The following NT5DC4 variants were observed in gnomAD, a reference collection of about 807,000 sequenced individuals.
NT5DC4 encodes the protein 5'-nucleotidase domain containing 4, also known as 5'-nucleotidase domain-containing protein 4.
A neutral mutation model predicts 26.6 loss-of-function variants in NT5DC4; 44 were observed. The observed-to-expected ratio is 1.65, with a 90% confidence interval of 1.30 to 2.13. The LOEUF (loss-of-function observed/expected upper bound fraction) is 2.13. Ranked by LOEUF, NT5DC4 falls within the 30% of genes most tolerant of loss-of-function variation. NT5DC4 has a pLI of 0.00. For missense variants in NT5DC4, 399 were observed against 228.1 expected (o/e 1.75, Z -4.83); for synonymous variants, 157 against 86.7 (o/e 1.81, Z -4.51).
intron 15 of NT5DC4, among the ~76,000 whole-genome samples, chr2:112,728,101 G>C (rs1399204418): frequency 6.6e-6 from 1 of 152,208 alleles, no homozygotes; most frequent in African/African-American, 2.4e-5. Flanking sequence ...AGACTCAGTG[G>C]GATCACAGTC....
At chr2:112,724,711 T>C in intron 10 of NT5DC4, 70 bp from the exon 11 acceptor site, 2 of 697,624 alleles carry the variant, frequency 2.9e-6, no homozygotes, top group Admixed American at 2.0e-5. Context: ...CAGGCTGTGG[T>C]GGGTGACTGG....
At chr2:112,719,904 TTTTCTTTCTTTCTTTCTTTCTCTTTC>T (rs1453555925), upstream of NT5DC4, among the ~76,000 whole-genome samples, 515 of 98,654 alleles carry the variant, frequency 5.2e-3, 11 homozygotes, top group African/African-American at 0.02. Context: ...CTTTCTTTCT[TTTTCTTTCTTTCTTTCTTTCTCTTTC>T]TTTCTTTCTT....
At chr2:112,725,687 G>A in intron 13 of NT5DC4, 135 bp downstream of exon 13, 1 of 547,756 alleles carries the variant, frequency 1.8e-6, no homozygotes, top group Non-Finnish European at 3.3e-6. Flanking sequence ...TGTTTCTGAG[G>A]GAGGAAACAG....
chr2:112,731,280 G>A (rs199847114), intron 16 of NT5DC4: 2 of 152,112 alleles, frequency 1.3e-5, no homozygotes, highest in East Asian at 3.9e-4. Context: ...TTTTAGGGAG[G>A]AGGCAGTATT....
chr2:112,726,607 G>T (rs1677752727), intron 14 of NT5DC4, 71 bp from the exon 15 acceptor site: 6 of 717,062 alleles, frequency 8.4e-6, no homozygotes, highest in Non-Finnish European at 1.6e-5. Context: ...CCCTGCTGGG[G>T]TCTAAGGAGA....
At chr2:112,742,269 T>C, downstream of NT5DC4, 2 of 667,874 alleles carry the variant, frequency 3.0e-6, no homozygotes, top group Non-Finnish European at 2.8e-6. Context: ...CTAAAGGTTA[T>C]GACCACTGAC....
At chr2:112,725,102 C>T in intron 11 of NT5DC4, 72 bp from the exon 12 acceptor site, 2 of 675,206 alleles carry the variant, frequency 3.0e-6, no homozygotes, top group East Asian at 2.7e-5. Flanking sequence ...CTCCCAGCTC[C>T]CTGCGACCCT....
chr2:112,725,042 C>A, intron 11 of NT5DC4, 132 bp from the exon 12 acceptor site: 2 of 650,524 alleles, frequency 3.1e-6, no homozygotes, highest in Non-Finnish European at 5.7e-6. Flanking sequence ...CCGCCTTCAG[C>A]GCCCTCTGCT....
intron 15 of NT5DC4, among the ~76,000 whole-genome samples, chr2:112,728,866 A>C (rs1678099316): frequency 6.6e-6 from 1 of 152,198 alleles, no homozygotes; most frequent in African/African-American, 2.4e-5. Flanking sequence ...CAGGGGTCAC[A>C]CTGTGTCTCC....
At position 112,738,609 on chromosome 2, in the gene NT5DC4, A is replaced by G. The variant is rs6756392; in HGVS notation, c.1345-304A>G. On this transcript the variant is annotated intron_variant, in intron 16 of 16. Transcript: ENST00000688554. ...ATTCAAAAGTTTGAAATTTATGTAT[A>G]CTGTAAAACTGGCAAACTGGTCTTA... The G allele has an allele frequency of 5.2e-3, 2,921 of 562,534 alleles. 66 individuals are homozygous for G. The highest frequency in any genetic ancestry group is 0.05 in the African/African-American group (2,660 of 53,378). The allele number at this position is 562,534 out of a possible 1,614,324, so 34.8% of individuals were successfully genotyped here.
upstream of NT5DC4, among the ~76,000 whole-genome samples, chr2:112,719,908 CTT>C (rs1676686695): frequency 2.1e-5 from 2 of 93,884 alleles, no homozygotes; most frequent in Non-Finnish European, 1.9e-5. Context: ...CTTTCTTTTT[CTT>C]TCTTTCTTTC....
At chr2:112,736,001 G>C (rs1398453430) in intron 16 of NT5DC4, among the ~76,000 whole-genome samples, 2 of 152,104 alleles carry the variant, frequency 1.3e-5, no homozygotes. Flanking sequence ...CAATGGTTTT[G>C]AGGAAAGACA....
chr2:112,739,235 C>T (rs1679668960), downstream of NT5DC4, among the ~76,000 whole-genome samples: 1 of 152,112 alleles, frequency 6.6e-6, no homozygotes, highest in South Asian at 2.1e-4. Flanking sequence ...GCCTGGGCAA[C>T]ATAGCAACAC....
chr2:112,719,902 CTTTTTCTTTCTTTCTTTCTTTCTCTT>C (rs1558714403), upstream of NT5DC4, among the ~76,000 whole-genome samples: 7 of 86,928 alleles, frequency 8.1e-5, no homozygotes, highest in East Asian at 3.2e-4. Context: ...TTCTTTCTTT[CTTTTTCTTTCTTTCTTTCTTTCTCTT>C]TCTTTCTTTC....
chr2:112,722,452 G>A, intron 4 of NT5DC4, 31 bp from the exon 5 acceptor site: 1 of 716,980 alleles, frequency 1.4e-6, no homozygotes. Context: ...CCTCCAGGAG[G>A]CACTGGGGAG....
intron 16 of NT5DC4, among the ~76,000 whole-genome samples, chr2:112,730,817 A>T (rs1298372461): frequency 6.6e-6 from 1 of 152,186 alleles, no homozygotes; most frequent in Non-Finnish European, 1.5e-5. Flanking sequence ...ATTCCTGCCT[A>T]GGAGAAGCTC....
chr2:112,719,700 T>A (rs147000521), upstream of NT5DC4, among the ~76,000 whole-genome samples: 1 of 151,834 alleles, frequency 6.6e-6, no homozygotes, highest in East Asian at 1.9e-4. Flanking sequence ...TGGCCAGGCT[T>A]GTCTCAAACT....
downstream of NT5DC4, chr2:112,740,767 TGGACTAG>T: frequency 1.4e-6 from 2 of 1,453,786 alleles, no homozygotes; most frequent in South Asian, 2.5e-5. Flanking sequence ...AATCGAGACT[TGGACTAG>T]AATTAAGTCT....
chr2:112,732,505 C>A (rs536355992), intron 16 of NT5DC4, among the ~76,000 whole-genome samples: 1 of 152,228 alleles, frequency 6.6e-6, no homozygotes, highest in Non-Finnish European at 1.5e-5. Flanking sequence ...GTCTCACTGG[C>A]CTGTGTCTTT....
Sources: allele counts gnomAD v4.1 joint callset (sites outside exome capture counted in the v4.1 genomes callset), GRCh38; gene constraint gnomAD v4.1.1; transcripts MANE v1.5; gene names NCBI Gene and HGNC (gene_info 2026-07-23, HGNC 2026-07-21).